APBB1: variants seen among roughly 807,000 people sequenced by gnomAD.
APBB1 encodes adaptor protein FE65a2.
A neutral mutation model predicts 78.4 loss-of-function variants in APBB1; 22 were observed. The observed-to-expected ratio is 0.28, with a 90% CI of 0.20 to 0.40. The LOEUF (loss-of-function observed/expected upper bound fraction) is 0.40, where lower values mean the gene tolerates loss of function less well. APBB1 is among the 10% of genes least tolerant of loss of function. APBB1 has a pLI of 1.00. For synonymous variants in APBB1, 369 were observed against 372.7 expected, an observed-to-expected ratio of 0.99 and a Z score of 0.12; for missense variants, 749 against 932.4, an observed-to-expected ratio of 0.80 and a Z score of 2.56.
At chr11:6,419,208 G>A (rs941489419), upstream of APBB1, 1 of 310,342 alleles carries the variant, frequency 3.2e-6, no homozygotes, top group Admixed American at 5.1e-5. Context: ...CAGCTTCTTG[G>A]GGGCCTCACC....
Position 6,401,595 on chromosome 11 carries a change from G to T in APBB1, c.1482C>A (p.Ser494Arg), listed in dbSNP as rs767196165. Residue 494 changes from serine to arginine, a missense_variant, in exon 10 of 15, where the codon AGC becomes AGA. Physicochemically the swap from Ser to Arg is moderately radical, Grantham distance 110. Around this residue, in one of 3 missense-constraint regions of APBB1, gnomAD observed 635 missense variants for 765.0 expected, o/e 0.83. Coordinates refer to ENST00000609360, the MANE Select transcript of APBB1 (RefSeq NM_001164.5). This position sits in a 1 kb window ranked among gnomAD's most constrained non-coding sequence, Gnocchi z 4.5. ...CEAPAKNIAT[S>R]LHEICSKIMA... is the part of the protein sequence containing the mutation. ...GTGCCTTAGAGCAGATCTCATGCAG[G>T]CTGGTGGCGATGTTCTTGGCAGGTG... 1 of 1,614,172 alleles carries T rather than the reference G, an allele frequency of 6.2e-7. No homozygotes were observed.
intron 2 of APBB1, chr11:6,405,168 C>T: frequency 8.6e-7 from 1 of 1,168,148 alleles, no homozygotes; most frequent in East Asian, 4.8e-5. Context: ...TTAGGGATAC[C>T]AGGAGACTCA....
chr11:6,403,329 G>A lies in APBB1; in HGVS notation c.1030C>T (p.Gln344Ter). 1 of 1,614,130 alleles carries A rather than the reference G, an allele frequency of 6.2e-7. No individual in the cohort carries two copies. The highest frequency in any genetic ancestry group is 8.5e-7 in the Non-Finnish European group (1 of 1,180,020). The change falls in exon 5 of 15, where the codon CAG becomes TAG. Residue 344 changes from glutamine (Q) to a stop codon, truncating the protein, a stop_gained. Coordinates refer to ENST00000609360, the MANE Select transcript of APBB1 (RefSeq NM_001164.5). LOFTEE classifies it high-confidence loss of function. This position sits in a 1 kb window ranked among gnomAD's most constrained non-coding sequence, Gnocchi z 5.3. ...PEEGTLTFPA[Q>*]SLSPEPLPQE... ...CATCTGGCAGCTCACCTGAGGCTCT[G>A]AGCTGGGAAGGTCAACGTCCCCTCC...
chr11:6,402,535 C>A, intron 7 of APBB1, 41 bp downstream of exon 7: 1 of 1,597,202 alleles, frequency 6.3e-7, no homozygotes, highest in Admixed American at 1.7e-5. Flanking sequence ...TCCCTTCACA[C>A]TCTCACAGTA....
intron 2 of APBB1, among the ~76,000 whole-genome samples, chr11:6,406,747 A>G (rs932821339): frequency 3.9e-5 from 6 of 152,050 alleles, no homozygotes; most frequent in African/African-American, 1.5e-4. Flanking sequence ...TCTCCTTCAG[A>G]CATCAGTATA....
Position 6,401,121 on chromosome 11 carries a change from C to A in APBB1, c.1589-49G>T. Reference sequence around the variant, plus strand: ...ATCATGGTGGCAGACCTTGCTCACCCGCAGCCCCACCAGCAGGGCATAAGC... The same window carrying A: ...ATCATGGTGGCAGACCTTGCTCACCAGCAGCCCCACCAGCAGGGCATAAGC... On this transcript the variant is annotated intron_variant, in intron 11 of 14. Coordinates refer to ENST00000609360, the MANE Select transcript of APBB1 (RefSeq NM_001164.5). This position sits in a 1 kb window ranked among gnomAD's most constrained non-coding sequence, Gnocchi z 4.5. The A allele has an allele frequency of 1.2e-6, 2 of 1,614,042 alleles. No homozygotes were observed. The highest frequency in any genetic ancestry group is 2.2e-5 in the South Asian group (2 of 91,016).
intron 1 of APBB1, among the ~76,000 whole-genome samples, chr11:6,412,847 C>T (rs1425970471): frequency 6.6e-6 from 1 of 152,114 alleles, no homozygotes; most frequent in Non-Finnish European, 1.5e-5. Flanking sequence ...CTTATGGTGC[C>T]CCAAACAAAC....
chr11:6,419,125 G>A (rs984669295), upstream of APBB1: 107 of 369,644 alleles, frequency 2.9e-4, no homozygotes, highest in Non-Finnish European at 1.3e-4. Context: ...GCGGAGGCGC[G>A]CGCAAGGGGA....
chr11:6,398,057 C>A (rs755968320), intron 12 of APBB1, among the ~76,000 whole-genome samples: 4 of 152,140 alleles, frequency 2.6e-5, no homozygotes, highest in African/African-American at 7.2e-5. Flanking sequence ...GGAGATGGAG[C>A]CTGGCCTCAG....
Position 6,410,619 on chromosome 11 carries a change from C to T in APBB1, c.721+8G>A. The T allele has an allele frequency of 2.6e-6, 4 of 1,512,862 alleles. No homozygotes were observed. The highest frequency in any genetic ancestry group is 3.5e-6 in the Non-Finnish European group (4 of 1,131,480). The allele number at this position is 1,512,862 out of a possible 1,614,324, so 93.7% of individuals were successfully genotyped here. A position where few individuals can be genotyped will look rare whatever the true frequency, so the allele number is the denominator to read the frequency against. On this transcript the variant is annotated splice_region_variant and intron_variant, in intron 2 of 14. Transcript: ENST00000609360. The stretch of plus-strand genomic sequence containing the variant: ...TCCCACATGCCCATGTCAAGCTCCA[C>T]AAGGTACCTGTGTCCTCTGGGGAGC...
At chr11:6,410,509 C>T in intron 2 of APBB1, 118 bp downstream of exon 2, 1 of 846,402 alleles carries the variant, frequency 1.2e-6, no homozygotes, top group Non-Finnish European at 1.7e-6. Flanking sequence ...ACATGGCCTG[C>T]TGTGGCCTCA....
intron 7 of APBB1, 76 bp downstream of exon 7, chr11:6,402,500 G>A (rs1323299798): frequency 1.3e-6 from 2 of 1,492,652 alleles, no homozygotes; most frequent in South Asian, 2.4e-5. Context: ...CTTGTGGGCA[G>A]GTCAGACCTC....
intron 1 of APBB1, among the ~76,000 whole-genome samples, chr11:6,417,808 A>G (rs935018165): frequency 6.6e-6 from 1 of 152,272 alleles, no homozygotes; most frequent in Non-Finnish European, 1.5e-5. Flanking sequence ...ATGACTCCAG[A>G]TTGGCAAAGA....
At chr11:6,419,177 C>A, upstream of APBB1, 1 of 327,016 alleles carries the variant, frequency 3.1e-6, no homozygotes, top group South Asian at 1.5e-4. Context: ...GGAGCGAGCT[C>A]GGCGGGCGCG....
At chr11:6,396,543 C>T in intron 12 of APBB1, 1 of 315,318 alleles carries the variant, frequency 3.2e-6, no homozygotes, top group Non-Finnish European at 5.9e-6. Flanking sequence ...GCTCATCACA[C>T]TCAGACATCA....
At chr11:6,408,826 AC>A (rs1211581478) in intron 2 of APBB1, among the ~76,000 whole-genome samples, 1 of 152,044 alleles carries the variant, frequency 6.6e-6, no homozygotes, top group East Asian at 1.9e-4. Context: ...TTTTGTAGAG[AC>A]AGGGTTTCAC....
intron 12 of APBB1, among the ~76,000 whole-genome samples, chr11:6,399,116 T>C (rs928994470): frequency 6.6e-6 from 1 of 152,196 alleles, no homozygotes; most frequent in African/African-American, 2.4e-5. Flanking sequence ...CCATTGAATG[T>C]TGGAGGGCCT....
chr11:6,398,467 C>A (rs1055739996), intron 12 of APBB1, among the ~76,000 whole-genome samples: 4 of 152,128 alleles, frequency 2.6e-5, no homozygotes, highest in Non-Finnish European at 5.9e-5. Flanking sequence ...TGTTTAAAAA[C>A]GAGCATAAGA....
intron 2 of APBB1, among the ~76,000 whole-genome samples, chr11:6,404,415 A>G (rs1285004740): frequency 1.3e-5 from 2 of 152,166 alleles, no homozygotes; most frequent in Non-Finnish European, 2.9e-5. Flanking sequence ...AGCCCCTGCC[A>G]CACAGGTGTG....
Sources: allele counts gnomAD v4.1 joint callset (sites outside exome capture counted in the v4.1 genomes callset), GRCh38; gene constraint gnomAD v4.1.1; regional missense constraint gnomAD v4.1.1; non-coding constraint Gnocchi (gnomAD v3.1); transcripts MANE v1.5; gene names NCBI Gene and HGNC (gene_info 2026-07-23, HGNC 2026-07-21).